The following DPYS variants were observed in gnomAD, a reference collection of about 807,000 sequenced individuals.
DPYS encodes the protein dihydropyrimidine amidohydrolase.
In DPYS, 39 loss-of-function variants were observed where a neutral mutation model predicts 50.3. The ratio of observed to expected loss-of-function variants is 0.78; its 90% CI spans 0.60 to 1.01. The LOEUF is 1.01. Among genes scored for constraint, DPYS ranks in the 50% least tolerant of loss-of-function variants. The probability of loss-of-function intolerance (pLI) is 0.00; values close to 1 mark genes in which losing one functional copy is unlikely to be tolerated. For synonymous variants in DPYS, 245 were observed against 250.7 expected (o/e 0.98, Z 0.22); for missense variants, 659 against 680.9 (o/e 0.97, Z 0.36).
chr8:104,452,035 C>T (rs866828701), intron 1 of DPYS, among the ~76,000 whole-genome samples: 6 of 152,106 alleles, frequency 3.9e-5, no homozygotes, highest in Admixed American at 2.0e-4. Context: ...CTCATTGCAA[C>T]GAGAGAGATA....
intron 6 of DPYS, among the ~76,000 whole-genome samples, chr8:104,424,930 G>A (rs1263151725): frequency 1.5e-4 from 22 of 149,560 alleles, no homozygotes; most frequent in Non-Finnish European, 2.8e-4. Context: ...AGGTTCAAGC[G>A]ATTCTCCTGC....
intron 8 of DPYS, among the ~76,000 whole-genome samples, chr8:104,387,679 C>T (rs186712201): frequency 6.6e-6 from 1 of 152,316 alleles, no homozygotes; most frequent in Non-Finnish European, 1.5e-5. Flanking sequence ...ATAGGAATAT[C>T]ACTACTTACC....
In DPYS at chr8:104,381,240, T is replaced by C. The variant is rs753882640; in HGVS notation, c.1518A>G (p.Lys506=). The C allele has an allele frequency of 3.7e-6, 6 of 1,613,402 alleles. No homozygotes were observed. The African/African-American group carries it at 8.1e-5, about 22-fold the overall frequency. ...TCCTGGTCCCTGCTGTGGCATCTTCTTTTGTCACTCTGGATTTCAGTGTGG... is the reference window on the plus strand; with the variant it reads ...TCCTGGTCCCTGCTGTGGCATCTTCCTTTGTCACTCTGGATTTCAGTGTGG... ...EVATLKSRVT[K]EDATAGTRKQ... Residue 506 remains lysine (K), a synonymous_variant, in exon 9 of 10, where the codon AAA becomes AAG. Coordinates refer to ENST00000351513, the MANE Select transcript of DPYS (RefSeq NM_001385.3).
At chr8:104,445,760 T>C (rs1813505207) in intron 3 of DPYS, among the ~76,000 whole-genome samples, 1 of 152,090 alleles carries the variant, frequency 6.6e-6, no homozygotes, top group Non-Finnish European at 1.5e-5. Flanking sequence ...TAATTGCACC[T>C]TTTGGCCGGG....
chr8:104,410,907 C>T (rs1402132144), intron 7 of DPYS, among the ~76,000 whole-genome samples: 1 of 152,050 alleles, frequency 6.6e-6, no homozygotes, highest in Non-Finnish European at 1.5e-5. Context: ...TGTCCCCATC[C>T]ACCTGTCCAG....
intron 7 of DPYS, among the ~76,000 whole-genome samples, chr8:104,399,866 C>CAAA (rs57562204): frequency 0.027 from 1,408 of 52,274 alleles, 160 homozygotes; most frequent in African/African-American, 0.058. Flanking sequence ...GACTCCGTCT[C>CAAA]AAAAAAAAAA....
chr8:104,427,134 G>A (rs1812753188), intron 6 of DPYS, among the ~76,000 whole-genome samples: 1 of 149,656 alleles, frequency 6.7e-6, no homozygotes, highest in Non-Finnish European at 1.5e-5. Flanking sequence ...CCAGGAGGTG[G>A]AGGTTGCAGT....
At chr8:104,407,359 C>T (rs530383618) in intron 7 of DPYS, among the ~76,000 whole-genome samples, 1 of 152,196 alleles carries the variant, frequency 6.6e-6, no homozygotes, top group African/African-American at 2.4e-5. Context: ...CCTCTTCTTC[C>T]AGAAATACTA....
At chr8:104,389,402 C>G (rs1325282939) in intron 8 of DPYS, among the ~76,000 whole-genome samples, 2 of 152,170 alleles carry the variant, frequency 1.3e-5, no homozygotes, top group Non-Finnish European at 2.9e-5. Context: ...TTGCCTAATG[C>G]CATAGGGAAC....
intron 7 of DPYS, among the ~76,000 whole-genome samples, chr8:104,396,633 G>C (rs1211219894): frequency 6.6e-6 from 1 of 152,094 alleles, no homozygotes; most frequent in African/African-American, 2.4e-5. Context: ...ATGTCTACCA[G>C]AAAAATATAT....
intron 4 of DPYS, among the ~76,000 whole-genome samples, chr8:104,442,987 T>C (rs1813406498): frequency 6.6e-6 from 1 of 152,148 alleles, no homozygotes; most frequent in African/African-American, 2.4e-5. Flanking sequence ...ACTTGGAAGT[T>C]AGAGACTTCA....
intron 8 of DPYS, among the ~76,000 whole-genome samples, chr8:104,387,662 A>G (rs1264755194): frequency 6.6e-6 from 1 of 152,238 alleles, no homozygotes; most frequent in East Asian, 1.9e-4. Context: ...ATTTCTTAAT[A>G]TATGAAATAG....
At chr8:104,390,461 C>T (rs1010362365) in intron 8 of DPYS, among the ~76,000 whole-genome samples, 5 of 151,324 alleles carry the variant, frequency 3.3e-5, no homozygotes, top group African/African-American at 1.2e-4. Context: ...GTGACTTGGA[C>T]AAATTTCTTA....
Position 104,456,922 on chromosome 8 carries a change from T to C in DPYS, c.265-5518A>G, listed in dbSNP as rs149950974. Among the ~76,000 whole-genome samples, 5 of 152,362 alleles carry C rather than the reference T, an allele frequency of 3.3e-5. No homozygotes were observed. In the East Asian group the frequency reaches 7.7e-4, roughly 23 times the overall value. On this transcript the variant is annotated intron_variant, in intron 1 of 9. Transcript: ENST00000351513. ...TCATAATATTACACAAGATTTTGTT[T>C]AAGAATATTCCATTGTAAATCATTA... is the stretch of plus-strand genomic sequence containing the variant.
rs1342983723 is a variant in DPYS, at chr8:104,429,613, G to C, written c.882C>G (p.His294Gln). The change falls in exon 5 of 10, where the codon CAC becomes CAG. Residue 294 changes from histidine to glutamine, a missense_variant. Physicochemically the swap from His to Gln is conservative, Grantham distance 24. Coordinates refer to ENST00000351513, the MANE Select transcript of DPYS (RefSeq NM_001385.3). ...YWNKEWHHAA[H>Q]HVMGPPLRPD... ...GTCGCAAAGGTGGACCCATGACATG[G>C]TGGGCTGCATGGTGCCATTCTTTAT... The C allele has an allele frequency of 6.2e-7, 1 of 1,614,176 alleles. No homozygotes were observed. The highest frequency in any genetic ancestry group is 1.1e-5 in the South Asian group (1 of 91,088).
rs150023754 is a variant in DPYS at position 104,405,631 on chromosome 8, T to C, written c.1236-12640A>G. Among the ~76,000 whole-genome samples the C allele has an allele frequency of 2.1e-3, 318 of 152,308 alleles. 1 individual carries two copies. The highest frequency in any genetic ancestry group is 5.7e-3 in the African/African-American group (239 of 41,572). ...GCAACTAAGTTGTATGGTTTGAGCT[T>C]TGGCCAATCTAAAAGGTGTCTGCTT... On this transcript the variant is annotated intron_variant, in intron 7 of 9. Transcript: ENST00000351513.
chr8:104,424,189 T>A, intron 7 of DPYS, 58 bp downstream of exon 7: 1 of 1,613,312 alleles, frequency 6.2e-7, no homozygotes, highest in East Asian at 2.2e-5. Context: ...ATTATTTCTG[T>A]GCAAGTTAGT....
Position 104,467,025 on chromosome 8 carries a change from G to T in DPYS, c.-105C>A. On this transcript the variant is annotated 5_prime_UTR_variant, in exon 1 of 10. The change creates a new upstream start codon in the 5' untranslated region. Coordinates refer to ENST00000351513, the MANE Select transcript of DPYS (RefSeq NM_001385.3). The stretch of plus-strand genomic sequence containing the variant: ...CCCTCCTGCAAGGTCCCCACCGACA[G>T]CCCCCGAGCTCTGCCTCAGGCTGCA... 1 of 1,295,948 alleles carries T rather than the reference G, an allele frequency of 7.7e-7. No individual in the cohort carries two copies. The highest frequency in any genetic ancestry group is 1.6e-5 in the African/African-American group (1 of 63,720). 80.3% of individuals were successfully genotyped at this position (1,295,948 alleles called of 1,614,324 possible). A position where few individuals can be genotyped will look rare whatever the true frequency, so the allele number is the denominator to read the frequency against.
intron 8 of DPYS, among the ~76,000 whole-genome samples, chr8:104,386,463 G>A (rs1811216111): frequency 1.3e-5 from 2 of 151,728 alleles, no homozygotes; most frequent in South Asian, 2.1e-4. Flanking sequence ...AACCCAGGAG[G>A]TGGAGGTTGC....
Sources: allele counts gnomAD v4.1 joint callset (sites outside exome capture counted in the v4.1 genomes callset), GRCh38; gene constraint gnomAD v4.1.1; transcripts MANE v1.5; gene names NCBI Gene and HGNC (gene_info 2026-07-23, HGNC 2026-07-21).